The following OR9Q1 variants were observed in gnomAD, a reference collection of about 807,000 sequenced individuals.
The protein encoded by OR9Q1 is olfactory receptor family 9 subfamily Q member 1, also known as olfactory receptor 9Q1.
For synonymous variants in OR9Q1, 153 were observed against 148.6 expected, an observed-to-expected ratio of 1.03 and a Z score of -0.22; for missense variants, 374 against 378.8, an observed-to-expected ratio of 0.99 and a Z score of 0.11.
At chr11:58,173,311 A>T (rs1209243007) in intron 2 of OR9Q1, among the ~76,000 whole-genome samples, 1 of 103,890 alleles carries the variant, frequency 9.6e-6, no homozygotes, top group Admixed American at 1.4e-4. Flanking sequence ...AACAGTCCCC[A>T]GTGTGTGATG....
intron 2 of OR9Q1, chr11:58,119,319 A>C: frequency 6.2e-7 from 1 of 1,613,880 alleles, no homozygotes; most frequent in South Asian, 1.1e-5. Flanking sequence ...TCATCCCCAC[A>C]TTCCCAAGAA....
rs563646804 is a variant in OR9Q1, at chr11:58,086,338, A to G, written c.-15+30391A>G. Among the ~76,000 whole-genome samples, 68 of 152,092 alleles carry G rather than the reference A, an allele frequency of 4.5e-4. 2 individuals are homozygous for G. The highest frequency in any genetic ancestry group is 1.6e-3 in the African/African-American group (66 of 41,350). ...TATCACCTCGCACCTGTTAGAAAAG[A>G]TATTAAAAAGATAAAAGATGAGTTT... On this transcript the variant is annotated intron_variant, in intron 2 of 2. Coordinates refer to ENST00000335397, the MANE Select transcript of OR9Q1 (RefSeq NM_001005212.4).
chr11:58,142,030 G>A (rs10896705), intron 2 of OR9Q1, among the ~76,000 whole-genome samples: 55,202 of 151,898 alleles, frequency 0.36, 11,831 homozygotes, highest in East Asian at 0.65. Flanking sequence ...ATTAGTTGTG[G>A]CCAAATGATG....
At chr11:58,036,820 G>A (rs1014576380) in intron 1 of OR9Q1, among the ~76,000 whole-genome samples, 1 of 152,198 alleles carries the variant, frequency 6.6e-6, no homozygotes, top group Non-Finnish European at 1.5e-5. Flanking sequence ...CTTCTTATGG[G>A]TGAGCAAAGA....
intron 2 of OR9Q1, among the ~76,000 whole-genome samples, chr11:58,082,065 C>G (rs57619847): frequency 6.6e-6 from 1 of 152,010 alleles, no homozygotes; most frequent in Middle Eastern, 3.4e-3. Context: ...CAATGAGATA[C>G]CATCTCACAC....
intron 1 of OR9Q1, among the ~76,000 whole-genome samples, chr11:58,032,313 CA>C (rs954288592): frequency 1.3e-5 from 2 of 151,030 alleles, no homozygotes; most frequent in African/African-American, 2.4e-5. Flanking sequence ...CAATCCTAAG[CA>C]AAAAAAACCA....
chr11:58,114,530 C>T (rs1353461687), intron 2 of OR9Q1, among the ~76,000 whole-genome samples: 1 of 152,080 alleles, frequency 6.6e-6, no homozygotes, highest in African/African-American at 2.4e-5. Flanking sequence ...ATATTAAATC[C>T]TCCTTTCTCT....
intron 2 of OR9Q1, among the ~76,000 whole-genome samples, chr11:58,110,202 C>G (rs908224546): frequency 2.6e-5 from 4 of 152,158 alleles, no homozygotes; most frequent in African/African-American, 9.6e-5. Flanking sequence ...CTAGATTGCT[C>G]TTTCTATACC....
intron 2 of OR9Q1, among the ~76,000 whole-genome samples, 157 bp from the exon 3 acceptor site, chr11:58,179,274 C>G (rs1263315187): frequency 6.6e-6 from 1 of 152,052 alleles, no homozygotes; most frequent in Non-Finnish European, 1.5e-5. Context: ...GATCCCACTG[C>G]CTCGCTTCCA....
At chr11:58,084,487 G>GA (rs1043387026) in intron 2 of OR9Q1, among the ~76,000 whole-genome samples, 4 of 151,756 alleles carry the variant, frequency 2.6e-5, no homozygotes, top group Non-Finnish European at 5.9e-5. Context: ...AGACTAAAGG[G>GA]AAAAAGAAAA....
At chr11:58,101,907 T>A (rs1853787242) in intron 2 of OR9Q1, among the ~76,000 whole-genome samples, 1 of 151,966 alleles carries the variant, frequency 6.6e-6, no homozygotes, top group African/African-American at 2.4e-5. Flanking sequence ...CCACCACACC[T>A]GGCTAATTTT....
At chr11:58,091,564 T>C (rs12360803) in intron 2 of OR9Q1, among the ~76,000 whole-genome samples, 19,956 of 152,142 alleles carry the variant, frequency 0.13, 1,585 homozygotes, top group South Asian at 0.19. Flanking sequence ...TTACTTCTAA[T>C]TATGTGGTCA....
chr11:58,053,630 ATATATATATATATAAAT>A lies in OR9Q1; in HGVS notation c.-92-2227_-92-2211del, dbSNP rs1415041805. On this transcript the variant is annotated intron_variant, in intron 1 of 2. Transcript: ENST00000335397. ...ATTAAAAAATATATATATATATAAAATATATATATATATAAATTATATATATATAAAATATATATATA... is the reference window on the plus strand; with the variant it reads ...ATTAAAAAATATATATATATATAAAATATATATATATAAAATATATATATA... 6.2e-4 allele frequency among the ~76,000 whole-genome samples: 47 copies of A among 75,390 alleles called. 1 individual carries two copies. Among genetic ancestry groups the A allele is most frequent in the Middle Eastern group, 7.2e-3 (1 of 138 alleles). 49.5% of individuals were successfully genotyped at this position (75,390 alleles called of 152,430 possible). A position where few individuals can be genotyped will look rare whatever the true frequency, so the allele number is the denominator to read the frequency against.
chr11:58,155,683 T>C (rs1489296069), intron 2 of OR9Q1, among the ~76,000 whole-genome samples: 1 of 152,162 alleles, frequency 6.6e-6, no homozygotes, highest in Non-Finnish European at 1.5e-5. Context: ...ATTGAACAAG[T>C]GGCACAATCA....
chr11:58,123,877 T>G (rs2120146831), intron 2 of OR9Q1, among the ~76,000 whole-genome samples: 1 of 152,264 alleles, frequency 6.6e-6, no homozygotes, highest in Middle Eastern at 3.4e-3. Flanking sequence ...TGGTCCATGT[T>G]TTTTCTTCTT....
At chr11:58,057,016 A>G (rs940489058) in intron 2 of OR9Q1, among the ~76,000 whole-genome samples, 7 of 112,896 alleles carry the variant, frequency 6.2e-5, no homozygotes, top group African/African-American at 2.4e-4. Context: ...TTTTTTTGAG[A>G]TGGAGTCTCA....
intron 2 of OR9Q1, among the ~76,000 whole-genome samples, chr11:58,114,905 A>G (rs1007206258): frequency 6.6e-6 from 1 of 152,080 alleles, no homozygotes; most frequent in Non-Finnish European, 1.5e-5. Flanking sequence ...TCCGGCTGCA[A>G]TGGGTTTGAG....
chr11:58,148,002 T>G (rs1022844108), intron 2 of OR9Q1, among the ~76,000 whole-genome samples: 4 of 152,160 alleles, frequency 2.6e-5, no homozygotes, highest in Non-Finnish European at 5.9e-5. Context: ...TTATACATTT[T>G]TAGCTATAAT....
chr11:58,178,497 G>A (rs1168210851), intron 2 of OR9Q1, among the ~76,000 whole-genome samples: 1 of 152,158 alleles, frequency 6.6e-6, no homozygotes, highest in African/African-American at 2.4e-5. Flanking sequence ...ATATAGACAA[G>A]GAGAATAATT....
Sources: gnomAD v4.1 joint callset for allele counts (sites outside exome capture counted in the v4.1 genomes callset) on GRCh38, gnomAD v4.1.1 for gene constraint, MANE v1.5 for transcripts, NCBI Gene and HGNC (gene_info 2026-07-23, HGNC 2026-07-21) for gene names.